Variants in LRRC9 observed in about 807,000 individuals in gnomAD.
LRRC9 encodes leucine rich repeat containing 9.
In LRRC9, 122 loss-of-function variants were observed where a neutral mutation model predicts 63.2. The observed-to-expected ratio is 1.93, with a 90% CI of 1.67 to 2.24. LRRC9 has a LOEUF of 2.24. Ranked by LOEUF, LRRC9 falls within the 30% of genes most tolerant of loss-of-function variation. The probability of loss-of-function intolerance (pLI) is 0.00; values close to 1 mark genes in which losing one functional copy is unlikely to be tolerated. For synonymous variants in LRRC9, 366 were observed against 213.1 expected (o/e 1.72, Z -6.25); for missense variants, 1,071 against 627.7 (o/e 1.71, Z -7.55).
chr14:60,052,384 G>A (rs908848615), intron 29 of LRRC9, among the ~76,000 whole-genome samples: 4 of 152,108 alleles, frequency 2.6e-5, no homozygotes, highest in African/African-American at 9.7e-5. Context: ...GCCCAGTAGA[G>A]ACTCAGCATT....
chr14:60,024,307 T>C (rs1891347071), intron 27 of LRRC9, among the ~76,000 whole-genome samples: 2 of 151,956 alleles, frequency 1.3e-5, no homozygotes, highest in South Asian at 4.1e-4. Context: ...AAAATTGAGG[T>C]TGAAAATATA....
chr14:59,975,033 G>GAATATATATATA (rs1566832977), intron 13 of LRRC9, among the ~76,000 whole-genome samples: 2 of 20,744 alleles, frequency 9.6e-5, no homozygotes, highest in Non-Finnish European at 1.9e-4. Flanking sequence ...ATGTGTCACA[G>GAATATATATATA]CATATATATA....
In LRRC9 at chr14:59,938,729, T is replaced by A. The variant is rs546192639; in HGVS notation, c.726+157T>A. Among the ~76,000 whole-genome samples, 6 of 151,852 alleles carry A rather than the reference T, an allele frequency of 4.0e-5. No individual in the cohort carries two copies. In the East Asian group the frequency reaches 1.2e-3, roughly 29 times the overall value. ...GAACTGGATATTACACATAAAAGTA[T>A]ATAAATAATAATATTAATACTAGAA... On this transcript the variant is annotated intron_variant, in intron 7 of 31. Transcript: ENST00000445360. The surrounding 1 kb of genome is among the most constrained non-coding windows in gnomAD (Gnocchi z 4.2).
rs1423011423 is a variant in LRRC9, at chr14:59,946,988, G to C, written c.882+2244G>C. 3.6e-4 allele frequency among the ~76,000 whole-genome samples: 52 copies of C among 145,338 alleles called. 2 individuals are homozygous for C. In the South Asian group the frequency reaches 0.012, roughly 32 times the overall value. On this transcript the variant is annotated intron_variant, in intron 8 of 31. Coordinates refer to ENST00000445360, the Ensembl canonical transcript of LRRC9. ...ACATACGTGTGCATGTGTCTTTATAGCAGCATGATTTATAGTCCTTTGGGT... is the reference window on the plus strand; with the variant it reads ...ACATACGTGTGCATGTGTCTTTATACCAGCATGATTTATAGTCCTTTGGGT...
At chr14:59,935,001 T>C (rs1400482396) in intron 6 of LRRC9, among the ~76,000 whole-genome samples, 4 of 151,492 alleles carry the variant, frequency 2.6e-5, no homozygotes, top group Admixed American at 1.3e-4. Context: ...AAACATGATA[T>C]AAGGCCGGGC....
At chr14:59,954,678 T>C (rs1490504055) in intron 8 of LRRC9, among the ~76,000 whole-genome samples, 4 of 152,188 alleles carry the variant, frequency 2.6e-5, no homozygotes, top group African/African-American at 9.6e-5. Context: ...TTTCCCTGAA[T>C]AGAACTTCCA....
At chr14:59,984,933 T>C (rs977464948) in intron 16 of LRRC9, among the ~76,000 whole-genome samples, 172 bp from the exon 17 acceptor site, 4 of 152,196 alleles carry the variant, frequency 2.6e-5, no homozygotes, top group African/African-American at 9.7e-5. Flanking sequence ...ACATCATAGA[T>C]TAGATTTTTT....
chr14:60,011,030 G>T (rs1890218470), intron 23 of LRRC9, among the ~76,000 whole-genome samples: 1 of 152,100 alleles, frequency 6.6e-6, no homozygotes, highest in African/African-American at 2.4e-5. Context: ...CCACATTTTT[G>T]GGTATCTTTA....
At chr14:60,043,720 T>C (rs1231318186) in intron 29 of LRRC9, among the ~76,000 whole-genome samples, 1 of 151,442 alleles carries the variant, frequency 6.6e-6, no homozygotes, top group Non-Finnish European at 1.5e-5. Flanking sequence ...TTTGCATCTA[T>C]ATTCATCAGT....
chr14:59,992,062 C>A (rs1046496065), intron 17 of LRRC9, among the ~76,000 whole-genome samples: 1 of 152,178 alleles, frequency 6.6e-6, no homozygotes, highest in African/African-American at 2.4e-5. Flanking sequence ...AGGCACCCCC[C>A]AGTAAGGGCA....
intron 12 of LRRC9, among the ~76,000 whole-genome samples, chr14:59,971,176 T>C (rs1885451197): frequency 6.6e-6 from 1 of 152,186 alleles, no homozygotes; most frequent in Non-Finnish European, 1.5e-5. Context: ...CACCATTTAT[T>C]GAATAGGGGT....
At chr14:59,929,168 AT>A (rs1210721254) in intron 3 of LRRC9, among the ~76,000 whole-genome samples, 1 of 152,052 alleles carries the variant, frequency 6.6e-6, no homozygotes, top group Non-Finnish European at 1.5e-5. Flanking sequence ...TTTGCAAACT[AT>A]GCTCTGACAA....
At chr14:59,967,720 T>C (rs1053518406) in intron 12 of LRRC9, among the ~76,000 whole-genome samples, 5 of 152,218 alleles carry the variant, frequency 3.3e-5, no homozygotes, top group African/African-American at 1.2e-4. Flanking sequence ...TCCACCATCT[T>C]GACAAGGCAG....
intron 8 of LRRC9, among the ~76,000 whole-genome samples, chr14:59,956,062 T>C (rs1883715478): frequency 6.6e-6 from 1 of 152,306 alleles, no homozygotes; most frequent in Middle Eastern, 3.4e-3. Flanking sequence ...CTTCCAATTA[T>C]GTGGTCGATT....
chr14:59,934,285 T>A (rs1179835132), intron 6 of LRRC9, among the ~76,000 whole-genome samples: 2 of 152,122 alleles, frequency 1.3e-5, no homozygotes, highest in Non-Finnish European at 2.9e-5. Flanking sequence ...ATTACAGTTC[T>A]TAGCAAGCTC....
At chr14:60,066,816 TAC>T (rs1414485784), downstream of LRRC9, among the ~76,000 whole-genome samples, 1 of 152,198 alleles carries the variant, frequency 6.6e-6, no homozygotes, top group African/African-American at 2.4e-5. Context: ...TTTTGTAAAC[TAC>T]TCAAAAGACA....
intron 3 of LRRC9, among the ~76,000 whole-genome samples, chr14:59,929,549 C>T (rs550412165): frequency 6.6e-6 from 1 of 151,978 alleles, no homozygotes; most frequent in Non-Finnish European, 1.5e-5. Context: ...ACAGAAATAC[C>T]ATTCAACCCA....
At chr14:60,066,446 T>TAA (rs1291992092), downstream of LRRC9, among the ~76,000 whole-genome samples, 2 of 152,116 alleles carry the variant, frequency 1.3e-5, no homozygotes, top group African/African-American at 2.4e-5. Context: ...AGCAAGCACT[T>TAA]ACGGCCAAAT....
exon 31 of LRRC9, chr14:60,057,913 A>G (rs1274411625): frequency 2.9e-6 from 2 of 690,282 alleles, no homozygotes; most frequent in East Asian, 5.4e-5. Context: ...TGGATGGCAG[A>G]TCATTTGGCC....
Sources: gnomAD v4.1 joint callset for allele counts (sites outside exome capture counted in the v4.1 genomes callset) on GRCh38, gnomAD v4.1.1 for gene constraint, Gnocchi (gnomAD v3.1) non-coding constraint, MANE v1.5 for transcripts, NCBI Gene and HGNC (gene_info 2026-07-23, HGNC 2026-07-21) for gene names.